The following UBASH3B variants were observed in gnomAD, a reference collection of about 807,000 sequenced individuals.
The protein encoded by UBASH3B is ubiquitin associated and SH3 domain containing B, also known as ubiquitin-associated and SH3 domain-containing protein B.
Under a neutral mutation model 83.4 loss-of-function variants are expected in UBASH3B, and 37 were observed. That is an observed-to-expected ratio of 0.44 (90% confidence interval 0.34 to 0.58). The LOEUF is 0.58. Ranked by LOEUF, UBASH3B falls within the 20% of genes least tolerant of loss-of-function variation. The pLI is 0.01. For synonymous variants in UBASH3B, 304 were observed against 318.3 expected (o/e 0.96, Z 0.48); for missense variants, 657 against 827.2 (o/e 0.79, Z 2.52).
intron 1 of UBASH3B, among the ~76,000 whole-genome samples, chr11:122,721,092 A>G (rs1363706366): frequency 4.0e-5 from 6 of 151,614 alleles, no homozygotes; most frequent in Admixed American, 3.3e-4. Flanking sequence ...AAAAATACAA[A>G]AAATTAGCCA....
rs562952090 is a variant in UBASH3B at position 122,662,679 on chromosome 11, C to T, written c.161+6469C>T. Among the ~76,000 whole-genome samples the T allele has an allele frequency of 5.3e-5, 8 of 152,272 alleles. No individual in the cohort carries two copies. The East Asian group carries it at 1.2e-3, about 22-fold the overall frequency. On this transcript the variant is annotated intron_variant, in intron 1 of 13. Coordinates refer to ENST00000284273, the MANE Select transcript of UBASH3B (RefSeq NM_032873.5). Reference sequence around the variant, plus strand: ...CTCCTGACCTCAGGTGATCCGCCCGCCTCGGCCTCCCAAAGTGCTGGGATT... The same window carrying T: ...CTCCTGACCTCAGGTGATCCGCCCGTCTCGGCCTCCCAAAGTGCTGGGATT...
At chr11:122,798,508 C>T (rs549164970) in intron 9 of UBASH3B, among the ~76,000 whole-genome samples, 2 of 151,892 alleles carry the variant, frequency 1.3e-5, no homozygotes, top group African/African-American at 2.4e-5. Context: ...GTCAAGAGAT[C>T]GAGACCATTC....
intron 1 of UBASH3B, among the ~76,000 whole-genome samples, chr11:122,657,290 A>C (rs550109235): frequency 1.3e-5 from 2 of 151,872 alleles, no homozygotes; most frequent in African/African-American, 4.8e-5. Context: ...TCAGGTGATA[A>C]CTTTATTTAT....
At chr11:122,792,268 C>A (rs1024730186) in intron 6 of UBASH3B, among the ~76,000 whole-genome samples, 1 of 149,648 alleles carries the variant, frequency 6.7e-6, no homozygotes, top group Non-Finnish European at 1.5e-5. Flanking sequence ...CACCCTGAAG[C>A]TTTGATGAGT....
chr11:122,662,132 C>A (rs11604746), intron 1 of UBASH3B, among the ~76,000 whole-genome samples: 18,120 of 151,980 alleles, frequency 0.12, 1,133 homozygotes, highest in African/African-American at 0.14. Flanking sequence ...GTCTCGAACT[C>A]CTGACCTCAA....
At chr11:122,799,065 G>A in intron 10 of UBASH3B, 31 bp downstream of exon 10, 1 of 1,570,110 alleles carries the variant, frequency 6.4e-7, no homozygotes, top group Admixed American at 1.7e-5. Context: ...AAAACAAGTA[G>A]TCCATCCCTC....
At chr11:122,772,584 C>CCTTGCAAACCTCCTTCAAGGT (rs1167642463) in intron 1 of UBASH3B, among the ~76,000 whole-genome samples, 1 of 152,182 alleles carries the variant, frequency 6.6e-6, no homozygotes, top group African/African-American at 2.4e-5. Flanking sequence ...AGCGACTTTT[C>CCTTGCAAACCTCCTTCAAGGT]CTTGCAAACC....
intron 1 of UBASH3B, among the ~76,000 whole-genome samples, chr11:122,690,208 ATCCAAT>A (rs1237003039): frequency 0.16 from 4,160 of 26,502 alleles, 176 homozygotes; most frequent in South Asian, 0.21. Context: ...ATATATATAT[ATCCAAT>A]TATATATATA....
rs192479223 is a variant in UBASH3B, at chr11:122,799,687, C to T, written c.1450+653C>T. 1.4e-4 allele frequency among the ~76,000 whole-genome samples: 21 copies of T among 152,286 alleles called. No homozygotes were observed. The East Asian group carries it at 3.9e-3, about 28-fold the overall frequency. On this transcript the variant is annotated intron_variant, in intron 10 of 13. Transcript: ENST00000284273. ...TCTGTTGTTTGCCTCCTGTTGACAG[C>T]AGCAAGGGTGCTCTTAGGAGCCTCA...
chr11:122,712,031 T>C (rs1591781055), intron 1 of UBASH3B, among the ~76,000 whole-genome samples: 1 of 116,274 alleles, frequency 8.6e-6, no homozygotes, highest in South Asian at 2.5e-4. Flanking sequence ...TCATGCCAGC[T>C]GCATTTTTTT....
rs895332248 is a variant in UBASH3B at position 122,810,374 on chromosome 11, C to A, written c.*488C>A. The A allele has an allele frequency of 6.5e-6, 1 of 153,578 alleles. No individual in the cohort carries two copies. Among genetic ancestry groups the A allele is most frequent in the Non-Finnish European group, 1.5e-5 (1 of 68,936 alleles). The allele number at this position is 153,578 out of a possible 1,614,324, so 9.5% of individuals were successfully genotyped here. ...GAATCCTTTTAAGATTATTAGAAAA[C>A]ATGCCCTGAAGAGAGTTGTTCTTAG... On this transcript the variant is annotated 3_prime_UTR_variant, in exon 14 of 14. Transcript: ENST00000284273.
intron 1 of UBASH3B, among the ~76,000 whole-genome samples, chr11:122,705,542 G>A (rs538385705): frequency 7.3e-5 from 11 of 151,614 alleles, no homozygotes; most frequent in African/African-American, 2.4e-4. Context: ...CCCATTGCCC[G>A]AGGGCCAGCC....
chr11:122,769,585 A>G (rs961553654), intron 1 of UBASH3B, among the ~76,000 whole-genome samples: 1 of 152,258 alleles, frequency 6.6e-6, no homozygotes, highest in African/African-American at 2.4e-5. Context: ...TCTGTTGAGC[A>G]GCCTCAGAGC....
chr11:122,773,884 A>G lies in UBASH3B; in HGVS notation c.162-2335A>G, dbSNP rs199831802. 5.3e-5 allele frequency: 40 copies of G among 754,818 alleles called. No homozygotes were observed. The African/African-American group carries it at 7.0e-4, about 13-fold the overall frequency. The allele number at this position is 754,818 out of a possible 1,614,324, so 46.8% of individuals were successfully genotyped here. On this transcript the variant is annotated intron_variant, in intron 1 of 13. Coordinates refer to ENST00000284273, the MANE Select transcript of UBASH3B (RefSeq NM_032873.5). ...CATTGGGGGAAGGGTGTAGAAAAAA[A>G]GAAATTGAATTCCTTATATAAATAG... is the stretch of plus-strand genomic sequence containing the variant.
intron 1 of UBASH3B, among the ~76,000 whole-genome samples, chr11:122,672,290 G>A (rs564299449): frequency 2.6e-5 from 4 of 151,952 alleles, no homozygotes; most frequent in Non-Finnish European, 5.9e-5. Flanking sequence ...AAGAGTGAAA[G>A]GGCTGTCAAC....
chr11:122,736,757 A>G (rs58066615), intron 1 of UBASH3B, among the ~76,000 whole-genome samples: 3,141 of 152,116 alleles, frequency 0.021, 110 homozygotes, highest in African/African-American at 0.072. Context: ...TGGGAGATTT[A>G]AGGATCGGGA....
chr11:122,715,007 G>A (rs1051680129), intron 1 of UBASH3B, among the ~76,000 whole-genome samples: 2 of 152,074 alleles, frequency 1.3e-5, no homozygotes, highest in Non-Finnish European at 2.9e-5. Flanking sequence ...GTGCAGTGGC[G>A]TGATCTCGGC....
intron 1 of UBASH3B, among the ~76,000 whole-genome samples, chr11:122,733,809 G>A (rs761228785): frequency 5.3e-4 from 80 of 152,340 alleles, no homozygotes; most frequent in Non-Finnish European, 9.8e-4. Context: ...GAGGATGACA[G>A]TTGACTTGTA....
At position 122,761,597 on chromosome 11, in the gene UBASH3B, C is replaced by T. The variant is rs75051375; in HGVS notation, c.162-14622C>T. On this transcript the variant is annotated intron_variant, in intron 1 of 13. Coordinates refer to ENST00000284273, the MANE Select transcript of UBASH3B (RefSeq NM_032873.5). ...CCACCAAAGCCGTTAGCCAGAGTCT[C>T]CTATGTAGCTTTGGGCTGAAACCGT... Among the ~76,000 whole-genome samples, 807 of 152,180 alleles carry T rather than the reference C, an allele frequency of 5.3e-3. 9 individuals are homozygous for T. The highest frequency in any genetic ancestry group is 0.018 in the African/African-American group (760 of 41,502).
Sources: allele counts gnomAD v4.1 joint callset (sites outside exome capture counted in the v4.1 genomes callset), GRCh38; gene constraint gnomAD v4.1.1; transcripts MANE v1.5; gene names NCBI Gene and HGNC (gene_info 2026-07-23, HGNC 2026-07-21).